The following FARS2 variants were observed in gnomAD, a reference collection of about 807,000 sequenced individuals.
The protein encoded by FARS2 is phenylalanine--tRNA ligase, mitochondrial.
Under a neutral mutation model 46.4 loss-of-function variants are expected in FARS2, and 40 were observed. The ratio of observed to expected loss-of-function variants is 0.86; its 90% confidence interval spans 0.67 to 1.12. The LOEUF (loss-of-function observed/expected upper bound fraction) is 1.12, where lower values mean the gene tolerates loss of function less well. FARS2 is among the 50% of genes most tolerant of loss of function. FARS2 has a pLI of 0.00. For missense variants in FARS2, 513 were observed against 567.9 expected (o/e 0.90, Z 0.98); for synonymous variants, 234 against 214.9 (o/e 1.09, Z -0.78).
At chr6:5,606,012 A>G (rs1174452594) in intron 5 of FARS2, among the ~76,000 whole-genome samples, 1 of 152,188 alleles carries the variant, frequency 6.6e-6, no homozygotes, top group East Asian at 1.9e-4. Context: ...CAGCACAGAC[A>G]CACACAGAAT....
chr6:5,431,138 C>T lies in FARS2; in HGVS notation c.870C>T (p.Gly290=). 1 of 1,613,942 alleles carries T rather than the reference C, an allele frequency of 6.2e-7. No homozygotes were observed. The highest frequency in any genetic ancestry group is 8.5e-7 in the Non-Finnish European group (1 of 1,179,874). ...ATGGAGAATGGCTGGAAGTTCTTGG[C>T]TGCGGGGTGATGGAACAACAACTGG... ...NFHGEWLEVL[G]CGVMEQQLVN... is the part of the protein sequence containing the mutation. The change falls in exon 4 of 7, where the codon GGC becomes GGT. Residue 290 remains glycine (G), a synonymous_variant. Transcript: ENST00000274680.
At chr6:5,562,436 G>A (rs138022332) in intron 5 of FARS2, among the ~76,000 whole-genome samples, 2 of 152,260 alleles carry the variant, frequency 1.3e-5, no homozygotes, top group East Asian at 3.9e-4. Context: ...AGCAGTAGGT[G>A]ATTCAAAGCA....
chr6:5,516,030 A>G (rs1411277696), intron 4 of FARS2, among the ~76,000 whole-genome samples: 2 of 152,194 alleles, frequency 1.3e-5, no homozygotes, highest in Non-Finnish European at 2.9e-5. Context: ...CACTTAGCAC[A>G]ACGAGGTTAT....
At chr6:5,596,272 T>C (rs113013114) in intron 5 of FARS2, among the ~76,000 whole-genome samples, 2,020 of 152,308 alleles carry the variant, frequency 0.013, 16 homozygotes, top group African/African-American at 0.021. Context: ...ACCTCTGCTT[T>C]GATCCCAGCT....
chr6:5,518,685 G>A (rs1164869222), intron 4 of FARS2, among the ~76,000 whole-genome samples: 1 of 152,122 alleles, frequency 6.6e-6, no homozygotes, highest in Non-Finnish European at 1.5e-5. Context: ...AATTAATGTT[G>A]AAAGTATAGT....
intron 2 of FARS2, among the ~76,000 whole-genome samples, chr6:5,376,642 A>G (rs571173246): frequency 1.3e-4 from 20 of 152,328 alleles, no homozygotes; most frequent in African/African-American, 4.3e-4. Flanking sequence ...TACTTGTATC[A>G]ACATGGATGG....
chr6:5,621,834 G>C (rs1290382690), intron 6 of FARS2, among the ~76,000 whole-genome samples: 1 of 152,182 alleles, frequency 6.6e-6, no homozygotes, highest in Admixed American at 6.5e-5. Context: ...TCAGAACTGA[G>C]GGAAGGTCTA....
chr6:5,575,421 AC>A (rs1256854574), intron 5 of FARS2, among the ~76,000 whole-genome samples: 3 of 152,210 alleles, frequency 2.0e-5, no homozygotes, highest in South Asian at 4.1e-4. Context: ...GTGTATCTGT[AC>A]CTCCCTCTTC....
intron 5 of FARS2, among the ~76,000 whole-genome samples, chr6:5,590,677 T>C (rs1192570823): frequency 5.9e-5 from 9 of 152,222 alleles, no homozygotes; most frequent in Admixed American, 5.9e-4. Flanking sequence ...GACTTTATAT[T>C]AGTCAGTGGA....
intron 1 of FARS2, among the ~76,000 whole-genome samples, chr6:5,269,913 T>A (rs561541108): frequency 5.9e-5 from 9 of 152,360 alleles, no homozygotes; most frequent in South Asian, 4.1e-4. Context: ...ATGTAAACAT[T>A]TATTTTCTGA....
At chr6:5,501,923 A>G (rs140920667) in intron 4 of FARS2, among the ~76,000 whole-genome samples, 1 of 152,346 alleles carries the variant, frequency 6.6e-6, no homozygotes, top group Non-Finnish European at 1.5e-5. Context: ...ATGCGTGTGC[A>G]GTGAGCAGAG....
At chr6:5,639,501 G>C (rs980922573) in intron 6 of FARS2, among the ~76,000 whole-genome samples, 49 of 152,336 alleles carry the variant, frequency 3.2e-4, no homozygotes, top group African/African-American at 1.2e-3. Flanking sequence ...GGATTTTCAA[G>C]AATGAGAAGT....
chr6:5,686,567 A>G (rs374787043), intron 6 of FARS2, among the ~76,000 whole-genome samples: 1 of 152,206 alleles, frequency 6.6e-6, no homozygotes, highest in Non-Finnish European at 1.5e-5. Context: ...ATTCCATGGT[A>G]TATATGTGCC....
intron 1 of FARS2, among the ~76,000 whole-genome samples, chr6:5,310,940 A>G (rs1442060119): frequency 1.3e-5 from 2 of 152,234 alleles, no homozygotes. Flanking sequence ...GTTTAGCAAT[A>G]TCAAAATAAA....
chr6:5,445,154 G>T (rs1002062657), intron 4 of FARS2, among the ~76,000 whole-genome samples: 2 of 150,268 alleles, frequency 1.3e-5, no homozygotes, highest in Non-Finnish European at 3.0e-5. Context: ...GTTAATCAGG[G>T]TTTTTCTTCC....
intron 4 of FARS2, among the ~76,000 whole-genome samples, chr6:5,465,649 C>G (rs560997068): frequency 6.6e-6 from 1 of 152,284 alleles, no homozygotes; most frequent in Non-Finnish European, 1.5e-5. Context: ...AGCCATGTCT[C>G]TCTAAGTACT....
intron 4 of FARS2, among the ~76,000 whole-genome samples, chr6:5,492,015 A>G (rs574068832): frequency 4.6e-5 from 7 of 152,284 alleles, no homozygotes; most frequent in East Asian, 3.9e-4. Context: ...GACCTCCCCA[A>G]TATTAGATCA....
upstream of FARS2, among the ~76,000 whole-genome samples, chr6:5,258,684 T>A (rs1698764370): frequency 6.6e-6 from 1 of 152,222 alleles, no homozygotes; most frequent in Non-Finnish European, 1.5e-5. Context: ...TGATCTCAGG[T>A]AACAGTATAA....
intron 6 of FARS2, among the ~76,000 whole-genome samples, chr6:5,650,785 A>G (rs1013282682): frequency 6.6e-6 from 1 of 152,148 alleles, no homozygotes; most frequent in Non-Finnish European, 1.5e-5. Context: ...CCAAAGTGGG[A>G]CACATTTCCA....
Sources: allele counts gnomAD v4.1 joint callset (sites outside exome capture counted in the v4.1 genomes callset), GRCh38; gene constraint gnomAD v4.1.1; transcripts MANE v1.5; gene names NCBI Gene and HGNC (gene_info 2026-07-23, HGNC 2026-07-21).